The following MTBP variants were observed in gnomAD, a reference collection of about 807,000 sequenced individuals.
The protein encoded by MTBP is MDM2 binding protein.
MTBP carries 101 observed loss-of-function variants against 117.0 expected under a neutral mutation model. That is an observed-to-expected ratio of 0.86 (90% CI 0.73 to 1.02). MTBP has a LOEUF of 1.02. Among genes scored for constraint, MTBP ranks in the 50% least tolerant of loss-of-function variants. The pLI is 0.00. For missense variants in MTBP, 970 were observed against 1,030.9 expected (o/e 0.94, Z 0.81); for synonymous variants, 350 against 351.5 (o/e 1.00, Z 0.05).
Position 120,470,814 on chromosome 8 carries a change from A to T in MTBP, c.1048-6A>T, listed in dbSNP as rs200833427. 342 of 1,572,754 alleles carry T rather than the reference A, an allele frequency of 2.2e-4. No homozygotes were observed. The highest frequency in any genetic ancestry group is 2.8e-4 in the Non-Finnish European group (318 of 1,144,242). On this transcript the variant is annotated splice_region_variant and splice_polypyrimidine_tract_variant and intron_variant, in intron 10 of 21. Coordinates refer to ENST00000305949, the MANE Select transcript of MTBP (RefSeq NM_022045.5). ...AATCAATAAAAATATGGTCTGTTTT[A>T]TTCAGGTTGGTGCTCTTTTTGTATT...
chr8:120,485,962 T>G (rs1259018280), intron 11 of MTBP, among the ~76,000 whole-genome samples: 1 of 152,194 alleles, frequency 6.6e-6, no homozygotes, highest in Non-Finnish European at 1.5e-5. Context: ...GTCTGCCTCA[T>G]TTGCTATCAC....
At chr8:120,451,386 A>T in intron 4 of MTBP, 64 bp downstream of exon 4, 1 of 1,342,920 alleles carries the variant, frequency 7.4e-7, no homozygotes, top group Non-Finnish European at 1.0e-6. Context: ...ATTTTAATCC[A>T]TGAGAATGAA....
rs1044052393 is a variant in MTBP, at chr8:120,506,644, A to G, written c.1728-62A>G. 8.9e-6 allele frequency: 10 copies of G among 1,122,084 alleles called. No homozygotes were observed. In the African/African-American group the frequency reaches 1.5e-4, roughly 16 times the overall value. 69.5% of individuals were successfully genotyped at this position (1,122,084 alleles called of 1,614,324 possible). A position where few individuals can be genotyped will look rare whatever the true frequency, so the allele number is the denominator to read the frequency against. ...CCGACTGTGCTTTTTTTTTTTTTTGACTCTGGCTTCTCTCTGGATTGAATC... is the reference window on the plus strand; with the variant it reads ...CCGACTGTGCTTTTTTTTTTTTTTGGCTCTGGCTTCTCTCTGGATTGAATC... On this transcript the variant is annotated intron_variant, in intron 15 of 21. Coordinates refer to ENST00000305949, the MANE Select transcript of MTBP (RefSeq NM_022045.5).
chr8:120,521,706 T>C (rs1413367878), intron 20 of MTBP, among the ~76,000 whole-genome samples: 2 of 152,220 alleles, frequency 1.3e-5, no homozygotes, highest in Non-Finnish European at 2.9e-5. Flanking sequence ...TAATAATCAC[T>C]AAATTTTTAA....
chr8:120,517,843 C>T lies in MTBP; in HGVS notation c.2247-8C>T. On this transcript the variant is annotated splice_polypyrimidine_tract_variant and splice_region_variant and intron_variant, in intron 18 of 21. Transcript: ENST00000305949. ...CTACGTTCTTGATTTTTTTCCCCTG[C>T]TATATAGACTTGTGAAATCTGAAAG... The T allele has an allele frequency of 1.9e-6, 3 of 1,606,152 alleles. No homozygotes were observed. Among genetic ancestry groups the T allele is most frequent in the Non-Finnish European group, 2.6e-6 (3 of 1,175,544 alleles).
Position 120,488,156 on chromosome 8 carries a change from T to A in MTBP, c.1166-3T>A. On this transcript the variant is annotated splice_polypyrimidine_tract_variant and splice_region_variant and intron_variant, in intron 11 of 21. Transcript: ENST00000305949. The stretch of plus-strand genomic sequence containing the variant: ...ACTTAACAAGATAATTGTTTTTGTT[T>A]AGTTCCAGATGTTGAAGTGAAAGGA... 6.3e-7 allele frequency: 1 copy of A among 1,580,380 alleles called. No individual in the cohort carries two copies. Among genetic ancestry groups the A allele is most frequent in the South Asian group, 1.2e-5 (1 of 83,188 alleles).
In MTBP at chr8:120,470,824, G is replaced by A; in HGVS notation, c.1052G>A (p.Gly351Asp). The change falls in exon 11 of 22, where the codon GGT (glycine) becomes GAT (aspartate). Residue 351 changes from glycine to aspartate, a missense_variant. Coordinates refer to ENST00000305949, the MANE Select transcript of MTBP (RefSeq NM_022045.5). ...EQISSLCSKV[G>D]ALFVLPCTIS... ...AATATGGTCTGTTTTATTCAGGTTG[G>A]TGCTCTTTTTGTATTGCCATGTACC... 6.3e-7 allele frequency: 1 copy of A among 1,596,696 alleles called. No homozygotes were observed. Among genetic ancestry groups the A allele is most frequent in the Non-Finnish European group, 8.6e-7 (1 of 1,165,492 alleles).
Position 120,506,687 on chromosome 8 carries a change from C to T in MTBP, c.1728-19C>T, listed in dbSNP as rs1287748142. ...ATTGAATCCACTTTTAATAAATCTGCATAACATTATTTTCCCAGAACTGGT... is the reference window on the plus strand; with the variant it reads ...ATTGAATCCACTTTTAATAAATCTGTATAACATTATTTTCCCAGAACTGGT... On this transcript the variant is annotated intron_variant, in intron 15 of 21. Transcript: ENST00000305949. 6.4e-7 allele frequency: 1 copy of T among 1,555,838 alleles called. No individual in the cohort carries two copies. The highest frequency in any genetic ancestry group is 1.4e-5 in the African/African-American group (1 of 72,058).
At chr8:120,489,044 C>CTTTTTTTTTTTTTTTT (rs71306887) in intron 12 of MTBP, among the ~76,000 whole-genome samples, 1 of 128,072 alleles carries the variant, frequency 7.8e-6, no homozygotes, top group Non-Finnish European at 1.7e-5. Flanking sequence ...AGACTGACTT[C>CTTTTTTTTTTTTTTTT]TTTTTTTTTT....
intron 21 of MTBP, 67 bp from the exon 22 acceptor site, chr8:120,523,231 A>AAT: frequency 9.4e-7 from 1 of 1,064,710 alleles, no homozygotes; most frequent in South Asian, 1.5e-5. Flanking sequence ...AAGTTTTTAC[A>AAT]ATATATTTTT....
At chr8:120,477,126 A>C (rs192736340) in intron 11 of MTBP, among the ~76,000 whole-genome samples, 1 of 152,302 alleles carries the variant, frequency 6.6e-6, no homozygotes, top group African/African-American at 2.4e-5. Flanking sequence ...AACTTTGACA[A>C]ACCTGACAGA....
At chr8:120,470,061 G>A (rs2130546574) in intron 10 of MTBP, among the ~76,000 whole-genome samples, 1 of 152,272 alleles carries the variant, frequency 6.6e-6, no homozygotes, top group East Asian at 1.9e-4. Context: ...TTTTTACTGA[G>A]ATGTGATTGA....
chr8:120,481,105 G>A (rs968237470), intron 11 of MTBP, among the ~76,000 whole-genome samples: 2 of 152,132 alleles, frequency 1.3e-5, no homozygotes, highest in Non-Finnish European at 2.9e-5. Flanking sequence ...TTAGTCTCTT[G>A]GGAGATGCAA....
At chr8:120,512,872 T>G (rs1814842087) in intron 17 of MTBP, among the ~76,000 whole-genome samples, 1 of 152,088 alleles carries the variant, frequency 6.6e-6, no homozygotes, top group Non-Finnish European at 1.5e-5. Flanking sequence ...TAGATTATGG[T>G]GTAGAAACAA....
At chr8:120,446,586 TAAGGAGTAC>T in intron 2 of MTBP, 73 bp downstream of exon 2, 1 of 934,598 alleles carries the variant, frequency 1.1e-6, no homozygotes, top group Non-Finnish European at 1.7e-6. Flanking sequence ...ATTTGGACCC[TAAGGAGTAC>T]AAGGAAATAC....
intron 11 of MTBP, among the ~76,000 whole-genome samples, chr8:120,480,486 A>G (rs1306047658): frequency 1.3e-5 from 2 of 152,162 alleles, no homozygotes; most frequent in African/African-American, 4.8e-5. Flanking sequence ...TGGCCAGAAC[A>G]ATTTTGAAAA....
chr8:120,518,878 A>G (rs1814967450), intron 20 of MTBP, 61 bp downstream of exon 20: 14 of 1,205,990 alleles, frequency 1.2e-5, no homozygotes, highest in South Asian at 9.8e-5. Flanking sequence ...CCTGTTTGAC[A>G]TAAAAAAAAG....
chr8:120,516,096 C>G lies in MTBP; in HGVS notation c.2151C>G (p.Val717=). ...SPVVSSDPGS[V]PDGEVLQNEL... is the part of the protein sequence containing the mutation. ...TAGTTTCGTCAGATCCTGGAAGTGT[C>G]CCTGACGGAGAAGTTTTACAAAATG... Residue 717 remains valine (V), a synonymous_variant, in exon 18 of 22, where the codon GTC becomes GTG. Transcript: ENST00000305949. 1 of 1,612,902 alleles carries G rather than the reference C, an allele frequency of 6.2e-7. No homozygotes were observed. The highest frequency in any genetic ancestry group is 1.1e-5 in the South Asian group (1 of 91,054).
intron 15 of MTBP, among the ~76,000 whole-genome samples, chr8:120,504,288 A>G (rs1814649358): frequency 6.6e-6 from 1 of 152,106 alleles, no homozygotes; most frequent in South Asian, 2.1e-4. Flanking sequence ...ATAACTTCCC[A>G]CTGGGAAAGA....
Sources: gnomAD v4.1 joint callset for allele counts (sites outside exome capture counted in the v4.1 genomes callset) on GRCh38, gnomAD v4.1.1 for gene constraint, MANE v1.5 for transcripts, NCBI Gene and HGNC (gene_info 2026-07-23, HGNC 2026-07-21) for gene names.